The following PTK7 variants were observed in gnomAD, a reference collection of about 807,000 sequenced individuals.
PTK7 encodes protein tyrosine kinase 7 (inactive), also known as inactive tyrosine-protein kinase 7.
PTK7 carries 39 observed loss-of-function variants against 116.6 expected under a neutral mutation model. That is an observed-to-expected ratio of 0.33 (90% CI 0.26 to 0.44). The LOEUF (loss-of-function observed/expected upper bound fraction) is 0.44, where lower values mean the gene tolerates loss of function less well. Ranked by LOEUF, PTK7 falls within the 20% of genes least tolerant of loss-of-function variation. The probability of loss-of-function intolerance (pLI) is 1.00; values close to 1 mark genes in which losing one functional copy is unlikely to be tolerated. For missense variants in PTK7, 1,169 were observed against 1,425.6 expected (o/e 0.82, Z 2.90); for synonymous variants, 546 against 563.6 (o/e 0.97, Z 0.44).
In PTK7 at chr6:43,129,041, G is replaced by T. The variant is rs2150427495; in HGVS notation, c.144G>T (p.Arg48=). 6.2e-7 allele frequency: 1 copy of T among 1,614,178 alleles called. No individual in the cohort carries two copies. Among genetic ancestry groups the T allele is most frequent in the East Asian group, 2.2e-5 (1 of 44,880 alleles). ...CCCAGGATGCACTGCAGGGGCGCCG[G>T]GCGCTGCTTCGCTGTGAGGTTGAGG... The part of the protein sequence containing the change: ...PSSQDALQGR[R]ALLRCEVEAP... Residue 48 remains arginine (R), a synonymous_variant, in exon 2 of 20, where the codon CGG becomes CGT. Coordinates refer to ENST00000230419, the MANE Select transcript of PTK7 (RefSeq NM_002821.5). This position sits in a 1 kb window ranked among gnomAD's most constrained non-coding sequence, Gnocchi z 4.5.
intron 1 of PTK7, among the ~76,000 whole-genome samples, chr6:43,102,096 C>G (rs1767617311): frequency 6.6e-6 from 1 of 151,454 alleles, no homozygotes; most frequent in African/African-American, 2.4e-5. Flanking sequence ...TGCTTGCCTC[C>G]AACTCTGGAG....
intron 1 of PTK7, among the ~76,000 whole-genome samples, chr6:43,080,951 A>AT (rs1766342418): frequency 2.4e-5 from 3 of 125,756 alleles, no homozygotes; most frequent in African/African-American, 1.0e-4. Flanking sequence ...CAAAAAAAAA[A>AT]AATACACACA....
intron 1 of PTK7, chr6:43,077,047 C>T (rs956458175): frequency 2.4e-5 from 32 of 1,324,084 alleles, no homozygotes; most frequent in African/African-American, 3.0e-5. Flanking sequence ...AAGCGCGGAG[C>T]TTTGTTACCT....
At chr6:43,144,278 C>T (rs1582194931) in intron 14 of PTK7, 173 bp from the exon 15 acceptor site, 4 of 738,584 alleles carry the variant, frequency 5.4e-6, no homozygotes, top group African/African-American at 1.8e-5. Flanking sequence ...AGCCATACAT[C>T]CCCCACCCAG....
At chr6:43,114,489 G>A (rs1302245264) in intron 1 of PTK7, among the ~76,000 whole-genome samples, 1 of 151,680 alleles carries the variant, frequency 6.6e-6, no homozygotes, top group East Asian at 1.9e-4. Context: ...GTGTGACTTT[G>A]GAGGTCCGTA....
chr6:43,101,225 A>AAAAAGAAAG (rs530253569), intron 1 of PTK7, among the ~76,000 whole-genome samples: 16 of 146,354 alleles, frequency 1.1e-4, no homozygotes, highest in East Asian at 1.0e-3. Flanking sequence ...CAAAAAAAAA[A>AAAAAGAAAG]AAAGAAAGAA....
intron 1 of PTK7, among the ~76,000 whole-genome samples, chr6:43,114,694 G>T (rs571642031): frequency 3.5e-4 from 54 of 152,200 alleles, no homozygotes; most frequent in Non-Finnish European, 6.9e-4. Flanking sequence ...AGCCGTCCGC[G>T]TGTGCTTTAT....
chr6:43,158,869 G>A lies in PTK7; in HGVS notation c.2774G>A (p.Arg925His), dbSNP rs753817695. The change falls in exon 18 of 20, where the codon CGC becomes CAC. Residue 925 changes from arginine (R) to histidine (H), a missense_variant. Arg to His is a conservative substitution (Grantham distance 29, BLOSUM62 0). Around this residue, in one of 3 missense-constraint regions of PTK7, gnomAD observed 678 missense variants for 853.8 expected, o/e 0.79. Coordinates refer to ENST00000230419, the MANE Select transcript of PTK7 (RefSeq NM_002821.5). ...ALGMEHLSNN[R>H]FVHKDLAARN... ...GGCATGGAGCACCTGTCCAACAACCGCTTTGTGCATAAGGACTTGGCTGCG... is the reference window on the plus strand; with the variant it reads ...GGCATGGAGCACCTGTCCAACAACCACTTTGTGCATAAGGACTTGGCTGCG... 11 of 1,614,024 alleles carry A rather than the reference G, an allele frequency of 6.8e-6. No homozygotes were observed. The highest frequency in any genetic ancestry group is 2.7e-5 in the African/African-American group (2 of 74,900).
chr6:43,128,886 A>G, intron 1 of PTK7, 91 bp from the exon 2 acceptor site: 1 of 1,380,826 alleles, frequency 7.2e-7, no homozygotes, highest in Non-Finnish European at 9.9e-7. Flanking sequence ...CTGTGTACAC[A>G]GCCCCTTTCC....
At chr6:43,123,363 A>G (rs1459228464) in intron 1 of PTK7, among the ~76,000 whole-genome samples, 2 of 152,204 alleles carry the variant, frequency 1.3e-5, no homozygotes, top group Admixed American at 6.5e-5. Context: ...TTCCTAAACC[A>G]GGAGTTCTAG....
chr6:43,146,285 T>G (rs1770718762), intron 16 of PTK7: 1 of 203,288 alleles, frequency 4.9e-6, no homozygotes, highest in Non-Finnish European at 1.0e-5. Context: ...GGGTTTCCTC[T>G]CAGGAATCTT....
intron 5 of PTK7, among the ~76,000 whole-genome samples, chr6:43,131,029 T>C (rs113363346): frequency 9.3e-4 from 125 of 133,836 alleles, no homozygotes; most frequent in African/African-American, 3.2e-3. Flanking sequence ...GGCAAAGACA[T>C]CACACACACA....
chr6:43,081,392 T>C (rs1438308159), intron 1 of PTK7, among the ~76,000 whole-genome samples: 1 of 152,156 alleles, frequency 6.6e-6, no homozygotes, highest in Admixed American at 6.5e-5. Context: ...GGTGGTTTTT[T>C]TGTTTGTTGT....
rs201870482 is a variant in PTK7, at chr6:43,116,661, C to T, written c.80-12316C>T. Reference sequence around the variant, plus strand: ...GTGTGTGTGTGTGTGTGCGCGCGCACGCACGCACGCATATGGATACATGTA... The same window carrying T: ...GTGTGTGTGTGTGTGTGCGCGCGCATGCACGCACGCATATGGATACATGTA... On this transcript the variant is annotated intron_variant, in intron 1 of 19. Coordinates refer to ENST00000230419, the MANE Select transcript of PTK7 (RefSeq NM_002821.5). Among the ~76,000 whole-genome samples the T allele has an allele frequency of 5.5e-3, 495 of 90,398 alleles. 2 individuals are homozygous for T. The highest frequency in any genetic ancestry group is 0.024 in the South Asian group (71 of 2,934). The allele number at this position is 90,398 out of a possible 152,430, so 59.3% of individuals were successfully genotyped here.
At chr6:43,090,213 C>G (rs998591544) in intron 1 of PTK7, among the ~76,000 whole-genome samples, 6 of 152,226 alleles carry the variant, frequency 3.9e-5, no homozygotes, top group African/African-American at 1.2e-4. Context: ...TGGCACCGCT[C>G]TCTGCCCCTT....
At chr6:43,117,908 C>T (rs1258680485) in intron 1 of PTK7, among the ~76,000 whole-genome samples, 3 of 151,338 alleles carry the variant, frequency 2.0e-5, no homozygotes, top group African/African-American at 7.3e-5. Flanking sequence ...TGCACTCCAG[C>T]CTGGGCAAAA....
intron 1 of PTK7, among the ~76,000 whole-genome samples, chr6:43,101,225 A>AAAAAG (rs530253569): frequency 4.8e-4 from 70 of 146,350 alleles, no homozygotes; most frequent in South Asian, 3.7e-3. Flanking sequence ...CAAAAAAAAA[A>AAAAAG]AAAGAAAGAA....
At chr6:43,105,907 A>G (rs1307526073) in intron 1 of PTK7, among the ~76,000 whole-genome samples, 1 of 152,168 alleles carries the variant, frequency 6.6e-6, no homozygotes, top group Non-Finnish European at 1.5e-5. Flanking sequence ...ATTTTAAGCC[A>G]CCCAGTTGTG....
At chr6:43,125,939 C>T (rs901297011) in intron 1 of PTK7, among the ~76,000 whole-genome samples, 1 of 152,002 alleles carries the variant, frequency 6.6e-6, no homozygotes, top group Non-Finnish European at 1.5e-5. Context: ...AGAAGCTGAG[C>T]GAGGAAGTGG....
Sources: allele counts gnomAD v4.1 joint callset (sites outside exome capture counted in the v4.1 genomes callset), GRCh38; gene constraint gnomAD v4.1.1; regional missense constraint gnomAD v4.1.1; non-coding constraint Gnocchi (gnomAD v3.1); transcripts MANE v1.5; gene names NCBI Gene and HGNC (gene_info 2026-07-23, HGNC 2026-07-21).